The following USP6 variants were observed in gnomAD, a reference collection of about 807,000 sequenced individuals.
USP6 encodes the protein ubiquitin specific peptidase 6.
USP6 carries 128 observed loss-of-function variants against 175.7 expected under a neutral mutation model. The ratio of observed to expected loss-of-function variants is 0.73; its 90% CI spans 0.63 to 0.84. The LOEUF (loss-of-function observed/expected upper bound fraction) is 0.84, where lower values mean the gene tolerates loss of function less well. Ranked by LOEUF, USP6 falls within the 40% of genes least tolerant of loss-of-function variation. The pLI is 0.00. For synonymous variants in USP6, 562 were observed against 630.6 expected (o/e 0.89, Z 1.63); for missense variants, 1,498 against 1,760.3 (o/e 0.85, Z 2.67).
At position 5,133,908 on chromosome 17, in the gene USP6, A is replaced by G. The variant is rs779610134; in HGVS notation, c.406A>G (p.Arg136Gly). ...RYQIMKERGK[R>G]SSEHIHHIDL... ...ACAGATCATGAAGGAGAGGGGCAAGAGGTCATCTGAACACATCCACCACAT... is the reference window on the plus strand; with the variant it reads ...ACAGATCATGAAGGAGAGGGGCAAGGGGTCATCTGAACACATCCACCACAT... Residue 136 changes from arginine to glycine, a missense_variant, in exon 15 of 38, where the codon AGG becomes GGG. By Grantham distance (125) the Arg-to-Gly change is moderately radical (BLOSUM62 -2). This residue lies in a region of USP6 where 281 missense variants were observed against 259.6 expected (regional missense o/e 1.08). Transcript: ENST00000574788. 6.2e-7 allele frequency: 1 copy of G among 1,614,132 alleles called. No individual in the cohort carries two copies. The highest frequency in any genetic ancestry group is 1.1e-5 in the South Asian group (1 of 91,076).
chr17:5,173,292 A>G lies in USP6; in HGVS notation c.*314A>G. On this transcript the variant is annotated 3_prime_UTR_variant, in exon 38 of 38. Coordinates refer to ENST00000574788, the MANE Select transcript of USP6 (RefSeq NM_001304284.2). The stretch of plus-strand genomic sequence containing the variant: ...AGATATGAACAAATATGTAGTGAGT[A>G]TAGAGTTTACCAATAATCATAACAA... 3.7e-6 allele frequency: 1 copy of G among 273,964 alleles called. No homozygotes were observed. Among genetic ancestry groups the G allele is most frequent in the East Asian group, 5.5e-5 (1 of 18,178 alleles). 17.0% of individuals were successfully genotyped at this position (273,964 alleles called of 1,614,324 possible).
At position 5,173,717 on chromosome 17, in the gene USP6, G is replaced by A. The variant is rs1011150246; in HGVS notation, c.*739G>A. 1.1e-4 allele frequency: 23 copies of A among 217,212 alleles called. No homozygotes were observed. The highest frequency in any genetic ancestry group is 2.1e-4 in the Non-Finnish European group (23 of 107,730). The allele number at this position is 217,212 out of a possible 1,614,324, so 13.5% of individuals were successfully genotyped here. A position where few individuals can be genotyped will look rare whatever the true frequency, so the allele number is the denominator to read the frequency against. On this transcript the variant is annotated 3_prime_UTR_variant, in exon 38 of 38. Coordinates refer to ENST00000574788, the MANE Select transcript of USP6 (RefSeq NM_001304284.2). ...CAGCTACCAGGGCCCTCCCAGTGGA[G>A]GCATCTTACATTTAGGCTACTTCAA...
chr17:5,138,119 A>G lies in USP6; in HGVS notation c.926-2A>G. On this transcript the variant is annotated splice_acceptor_variant, in intron 20 of 37. Coordinates refer to ENST00000574788, the MANE Select transcript of USP6 (RefSeq NM_001304284.2). LOFTEE classifies it high-confidence loss of function. ...CTGGCCTGATATCCACCCTGTCCCT[A>G]GAGCGCCTCATGAAGACATCCAGGT... 1 of 1,614,032 alleles carries G rather than the reference A, an allele frequency of 6.2e-7. No individual in the cohort carries two copies. The highest frequency in any genetic ancestry group is 8.5e-7 in the Non-Finnish European group (1 of 1,179,954).
At position 5,174,985 on chromosome 17, in the gene USP6, G is replaced by T. The variant is rs1273795328; in HGVS notation, c.*2007G>T. On this transcript the variant is annotated 3_prime_UTR_variant, in exon 38 of 38. Coordinates refer to ENST00000574788, the MANE Select transcript of USP6 (RefSeq NM_001304284.2). The stretch of plus-strand genomic sequence containing the variant: ...TCCAAACAAATTAAATACTGTGGTT[G>T]CCTCTATGTGCTGTTTTTCCTCATA... The T allele has an allele frequency of 5.4e-6, 1 of 186,046 alleles. No homozygotes were observed. The highest frequency in any genetic ancestry group is 1.1e-5 in the Non-Finnish European group (1 of 87,740). 11.5% of individuals were successfully genotyped at this position (186,046 alleles called of 1,614,324 possible).
intron 4 of USP6, among the ~76,000 whole-genome samples, chr17:5,122,170 T>G (rs1256705518): frequency 1.3e-5 from 2 of 151,526 alleles, no homozygotes; most frequent in African/African-American, 2.4e-5. Context: ...AGGAAGGTGG[T>G]GCACGCAGAA....
Position 5,173,031 on chromosome 17 carries a change from T to TA in USP6, c.*54dup. On this transcript the variant is annotated 3_prime_UTR_variant, in exon 38 of 38. Coordinates refer to ENST00000574788, the MANE Select transcript of USP6 (RefSeq NM_001304284.2). Reference sequence around the variant, plus strand: ...TGGTGGCGAGGGAGATGACTCCTTGTAGCTGATACTTGGCAAAAGTGTCAC... The same window carrying TA: ...TGGTGGCGAGGGAGATGACTCCTTGTAAGCTGATACTTGGCAAAAGTGTCAC... 1 of 1,581,838 alleles carries TA rather than the reference T, an allele frequency of 6.3e-7. No individual in the cohort carries two copies. Among genetic ancestry groups the TA allele is most frequent in the Non-Finnish European group, 8.6e-7 (1 of 1,159,772 alleles).
At position 5,155,535 on chromosome 17, in the gene USP6, G is replaced by T; in HGVS notation, c.2757G>T (p.Ala919=). The T allele has an allele frequency of 1.2e-6, 2 of 1,613,982 alleles. No homozygotes were observed. Among genetic ancestry groups the T allele is most frequent in the Non-Finnish European group, 1.7e-6 (2 of 1,179,964 alleles). Residue 919 remains alanine (A), a synonymous_variant, in exon 31 of 38, where the codon GCG becomes GCT. Transcript: ENST00000574788. ...VHTRKKDLYD[A]VWIQVSWLAR... is the part of the protein sequence containing the mutation. ...CCCGGAAGAAAGACCTATATGATGC[G>T]GTTTGGATTCAAGTATCCTGGTTAG... is the stretch of plus-strand genomic sequence containing the variant.
chr17:5,142,623 G>C (rs1402032800), intron 25 of USP6, 121 bp downstream of exon 25: 36 of 1,403,300 alleles, frequency 2.6e-5, no homozygotes, highest in Non-Finnish European at 3.3e-5. Flanking sequence ...TCCTTTACTT[G>C]GTATAAACAA....
chr17:5,165,726 T>C (rs2074083352), intron 33 of USP6, among the ~76,000 whole-genome samples: 1 of 152,206 alleles, frequency 6.6e-6, no homozygotes, highest in Non-Finnish European at 1.5e-5. Flanking sequence ...AAAGCAACTC[T>C]GAAAAAGAAG....
chr17:5,171,038 C>T, intron 36 of USP6, 123 bp downstream of exon 36: 1 of 1,223,206 alleles, frequency 8.2e-7, no homozygotes, highest in East Asian at 2.5e-5. Context: ...TAGTGATAGA[C>T]AAAGTTAACA....
At chr17:5,158,207 A>G (rs1307032621) in intron 31 of USP6, among the ~76,000 whole-genome samples, 2 of 152,208 alleles carry the variant, frequency 1.3e-5, no homozygotes, top group Middle Eastern at 3.2e-3. Context: ...TGATCTATAC[A>G]TGAACTCTGA....
At chr17:5,139,079 A>T in intron 21 of USP6, 176 bp from the exon 22 acceptor site, 1 of 1,593,308 alleles carries the variant, frequency 6.3e-7, no homozygotes, top group Non-Finnish European at 8.5e-7. Context: ...TCCCCATGCC[A>T]GGCAGCACAC....
chr17:5,147,484 T>C (rs1317472464), intron 29 of USP6, among the ~76,000 whole-genome samples: 1 of 152,216 alleles, frequency 6.6e-6, no homozygotes, highest in Non-Finnish European at 1.5e-5. Context: ...GAGAGGAACA[T>C]ACTACCAGAA....
intron 30 of USP6, 151 bp downstream of exon 30, chr17:5,148,918 T>A: frequency 7.2e-7 from 1 of 1,385,412 alleles, no homozygotes; most frequent in African/African-American, 1.5e-5. Flanking sequence ...TTTATTTTTT[T>A]ACTTTTCTAT....
intron 33 of USP6, among the ~76,000 whole-genome samples, chr17:5,165,489 G>T (rs944548196): frequency 1.3e-5 from 2 of 152,130 alleles, no homozygotes; most frequent in Middle Eastern, 3.2e-3. Flanking sequence ...GCTGAGGATG[G>T]AGGATTGCTT....
At chr17:5,152,077 A>G (rs972523500) in intron 30 of USP6, among the ~76,000 whole-genome samples, 2 of 152,130 alleles carry the variant, frequency 1.3e-5, no homozygotes, top group Non-Finnish European at 2.9e-5. Flanking sequence ...CTCCGTCTCT[A>G]CTAAAAATAC....
rs768347015 is a variant in USP6 at position 5,130,662 on chromosome 17, A to AT, written c.135dup (p.Asp46Ter). On this transcript the variant is annotated frameshift_variant, in exon 11 of 38. Transcript: ENST00000574788. LOFTEE classifies it high-confidence loss of function. Reference sequence around the variant, plus strand: ...TGAGCCCGTTGGAATCAACAGCAGCATTGATCGTTTTGGCATTTTGCAGTG... The same window carrying AT: ...TGAGCCCGTTGGAATCAACAGCAGCATTTGATCGTTTTGGCATTTTGCAGTG... 5.6e-6 allele frequency: 9 copies of AT among 1,613,996 alleles called. No individual in the cohort carries two copies. The Admixed American group carries it at 1.5e-4, about 27-fold the overall frequency.
rs745604020 is a variant in USP6 at position 5,139,629 on chromosome 17, G to A, written c.1453G>A (p.Glu485Lys). 1 of 1,612,922 alleles carries A rather than the reference G, an allele frequency of 6.2e-7. No homozygotes were observed. Among genetic ancestry groups the A allele is most frequent in the Non-Finnish European group, 8.5e-7 (1 of 1,180,028 alleles). The change falls in exon 22 of 38, where the codon GAG becomes AAG. Residue 485 changes from glutamate (E) to lysine (K), a missense_variant. Physicochemically the swap from Glu to Lys is moderately conservative, Grantham distance 56. Coordinates refer to ENST00000574788, the MANE Select transcript of USP6 (RefSeq NM_001304284.2). Reference sequence around the variant, plus strand: ...CTGCTGGGTCCGTGCCATATCCCAGGAGGACCAGCTGGCCACCTGCTGGCA... The same window carrying A: ...CTGCTGGGTCCGTGCCATATCCCAGAAGGACCAGCTGGCCACCTGCTGGCA... ...WSCWVRAISQEDQLATCWQAE... is the reference protein window; with the variant it reads ...WSCWVRAISQKDQLATCWQAE...
At chr17:5,145,756 GT>G (rs985164787) in intron 27 of USP6, among the ~76,000 whole-genome samples, 177 bp downstream of exon 27, 53 of 152,042 alleles carry the variant, frequency 3.5e-4, no homozygotes, top group Non-Finnish European at 6.9e-4. Flanking sequence ...ATTGGGGCAT[GT>G]TTTTTTGGTT....
Sources: gnomAD v4.1 joint callset for allele counts (sites outside exome capture counted in the v4.1 genomes callset) on GRCh38, gnomAD v4.1.1 for gene constraint, gnomAD v4.1.1 regional missense constraint, MANE v1.5 for transcripts, NCBI Gene and HGNC (gene_info 2026-07-23, HGNC 2026-07-21) for gene names.